PARVA: variants seen among roughly 807,000 people sequenced by gnomAD.
PARVA encodes alpha-parvin.
In PARVA, 25 loss-of-function variants were observed where a neutral mutation model predicts 52.6. That is an observed-to-expected ratio of 0.48 (90% CI 0.35 to 0.66). PARVA has a LOEUF of 0.66. Among genes scored for constraint, PARVA ranks in the 30% least tolerant of loss-of-function variants. The pLI is 0.01. For missense variants in PARVA, 373 were observed against 450.9 expected, an observed-to-expected ratio of 0.83 and a Z score of 1.56; for synonymous variants, 185 against 179.1, an observed-to-expected ratio of 1.03 and a Z score of -0.26.
intron 1 of PARVA, among the ~76,000 whole-genome samples, chr11:12,393,027 T>G (rs1939681938): frequency 7.9e-6 from 1 of 126,768 alleles, no homozygotes; most frequent in African/African-American, 3.3e-5. Context: ...CTGGAAACAA[T>G]TTTAACCCCA....
In PARVA at chr11:12,476,138, G is replaced by C. The variant is rs191646743; in HGVS notation, c.298-1709G>C. On this transcript the variant is annotated intron_variant, in intron 3 of 12. Transcript: ENST00000334956. ...TCCAAATGGTTTAGGCTTCAATGTT[G>C]ATCTCCCAGACCTAGACCTGCACTC... 2.0e-5 allele frequency among the ~76,000 whole-genome samples: 3 copies of C among 152,248 alleles called. No individual in the cohort carries two copies. In the East Asian group the frequency reaches 5.8e-4, roughly 30 times the overall value.
At chr11:12,434,142 G>C (rs1270474271) in intron 1 of PARVA, among the ~76,000 whole-genome samples, 10 of 152,158 alleles carry the variant, frequency 6.6e-5, no homozygotes, top group Admixed American at 3.3e-4. Context: ...TTCAAATTCT[G>C]ATTTTCCAAG....
rs903104284 is a variant in PARVA, at chr11:12,529,686, C to G, written c.*1761C>G. 1 of 152,146 alleles carries G rather than the reference C, an allele frequency of 6.6e-6. No individual in the cohort carries two copies. Among genetic ancestry groups the G allele is most frequent in the African/African-American group, 2.4e-5 (1 of 41,442 alleles). 9.4% of individuals were successfully genotyped at this position (152,146 alleles called of 1,614,324 possible). ...AACATTCCTTTCAGCCTTTTTATTT[C>G]TTACTGTACTGTCTCTTACTGTACT... On this transcript the variant is annotated 3_prime_UTR_variant, in exon 13 of 13. Coordinates refer to ENST00000334956, the MANE Select transcript of PARVA (RefSeq NM_018222.5).
chr11:12,492,340 G>A (rs1941244154), intron 4 of PARVA, among the ~76,000 whole-genome samples: 8 of 152,108 alleles, frequency 5.3e-5, no homozygotes, highest in Admixed American at 2.6e-4. Flanking sequence ...TCAAAATCAT[G>A]CCTAATACTT....
At chr11:12,451,575 T>A (rs1387775926) in intron 1 of PARVA, among the ~76,000 whole-genome samples, 1 of 152,188 alleles carries the variant, frequency 6.6e-6, no homozygotes, top group Non-Finnish European at 1.5e-5. Flanking sequence ...ATAATATGAT[T>A]ATGAATGACA....
At chr11:12,406,444 C>G (rs938959076) in intron 1 of PARVA, among the ~76,000 whole-genome samples, 2 of 152,092 alleles carry the variant, frequency 1.3e-5, no homozygotes, top group African/African-American at 4.8e-5. Context: ...ATACTGTATC[C>G]TAGCCAAGGT....
At chr11:12,400,168 A>G (rs1326351728) in intron 1 of PARVA, among the ~76,000 whole-genome samples, 6 of 152,224 alleles carry the variant, frequency 3.9e-5, no homozygotes, top group East Asian at 1.9e-4. Context: ...ATGTGCCAAC[A>G]TATGTTCCCA....
chr11:12,458,606 C>T (rs1030218931), intron 1 of PARVA, among the ~76,000 whole-genome samples: 1 of 152,158 alleles, frequency 6.6e-6, no homozygotes, highest in Non-Finnish European at 1.5e-5. Flanking sequence ...TGATTTCTCT[C>T]CTGGGGAAAG....
chr11:12,395,619 G>T (rs1022800540), intron 1 of PARVA, among the ~76,000 whole-genome samples: 1 of 152,206 alleles, frequency 6.6e-6, no homozygotes, highest in Non-Finnish European at 1.5e-5. Flanking sequence ...GTGCGGCCCA[G>T]ATCCCAGCTG....
chr11:12,516,413 A>C (rs2403634), intron 10 of PARVA, among the ~76,000 whole-genome samples: 137,577 of 151,796 alleles, frequency 0.91, 63,873 homozygotes, highest in East Asian at 1. Context: ...GGAACCCCCT[A>C]CTCCTCCCAA....
chr11:12,534,394 C>G lies in PARVA; in HGVS notation c.*6469C>G, dbSNP rs1941811059. Among the ~76,000 whole-genome samples the G allele has an allele frequency of 6.6e-6, 1 of 152,172 alleles. No homozygotes were observed. The highest frequency in any genetic ancestry group is 6.5e-5 in the Admixed American group (1 of 15,284). On this transcript the variant is annotated 3_prime_UTR_variant, in exon 13 of 13. Transcript: ENST00000334956. ...CGGTGGACCCCCTGGGCTGAGCAGCCTGTGTTCCTGCCTCAACTCCCCTGA... is the reference window on the plus strand; with the variant it reads ...CGGTGGACCCCCTGGGCTGAGCAGCGTGTGTTCCTGCCTCAACTCCCCTGA...
At chr11:12,520,596 C>T (rs937773132) in intron 12 of PARVA, among the ~76,000 whole-genome samples, 10 of 152,166 alleles carry the variant, frequency 6.6e-5, no homozygotes, top group African/African-American at 9.7e-5. Context: ...GCTTCATGAC[C>T]GTTTAGTGCC....
chr11:12,412,651 G>A (rs1189478878), intron 1 of PARVA, among the ~76,000 whole-genome samples: 2 of 152,202 alleles, frequency 1.3e-5, no homozygotes, highest in Admixed American at 6.5e-5. Flanking sequence ...CTTTAAACAT[G>A]TGTGGGCCCC....
At chr11:12,463,909 G>T (rs1940818445) in intron 1 of PARVA, among the ~76,000 whole-genome samples, 1 of 149,172 alleles carries the variant, frequency 6.7e-6, no homozygotes, top group Admixed American at 6.7e-5. Context: ...ACTTTATTTT[G>T]TTATTCAAAT....
intron 8 of PARVA, 69 bp from the exon 9 acceptor site, chr11:12,513,230 G>T: frequency 7.1e-7 from 1 of 1,399,230 alleles, no homozygotes; most frequent in Non-Finnish European, 1.0e-6. Context: ...CGTGGCTCTG[G>T]GACCCAAGGT....
Position 12,533,315 on chromosome 11 carries a change from A to G in PARVA, c.*5390A>G, listed in dbSNP as rs1349268571. 6.6e-6 allele frequency among the ~76,000 whole-genome samples: 1 copy of G among 152,192 alleles called. No individual in the cohort carries two copies. Among genetic ancestry groups the G allele is most frequent in the Non-Finnish European group, 1.5e-5 (1 of 68,042 alleles). On this transcript the variant is annotated 3_prime_UTR_variant, in exon 13 of 13. Coordinates refer to ENST00000334956, the MANE Select transcript of PARVA (RefSeq NM_018222.5). The stretch of plus-strand genomic sequence containing the variant: ...TCGGAGGAGGACTCCTGTTTTACCA[A>G]CGGCAGGAGCAGGAATCCCACCATT...
chr11:12,513,026 T>A, intron 8 of PARVA: 1 of 618,776 alleles, frequency 1.6e-6, no homozygotes, highest in Non-Finnish European at 3.0e-6. Flanking sequence ...AAATGACTAA[T>A]CCCGGGTCAC....
At chr11:12,487,281 AG>A (rs1302923358) in intron 4 of PARVA, among the ~76,000 whole-genome samples, 1 of 152,194 alleles carries the variant, frequency 6.6e-6, no homozygotes, top group African/African-American at 2.4e-5. Flanking sequence ...GCTGGGCTGA[AG>A]TGGCAGCTAT....
chr11:12,473,374 C>T (rs1564856098), intron 1 of PARVA, among the ~76,000 whole-genome samples: 1 of 152,158 alleles, frequency 6.6e-6, no homozygotes, highest in African/African-American at 2.4e-5. Context: ...ACACAGTCGC[C>T]GGGCACCAGA....
Sources: gnomAD v4.1 joint callset for allele counts (sites outside exome capture counted in the v4.1 genomes callset) on GRCh38, gnomAD v4.1.1 for gene constraint, MANE v1.5 for transcripts, NCBI Gene and HGNC (gene_info 2026-07-23, HGNC 2026-07-21) for gene names.